The following ABCA1 variants were observed in gnomAD, a reference collection of about 807,000 sequenced individuals.
ABCA1 encodes the protein phospholipid-transporting ATPase ABCA1.
A neutral mutation model predicts 262.5 loss-of-function variants in ABCA1; 133 were observed. The observed-to-expected ratio is 0.51, with a 90% CI of 0.44 to 0.59. The LOEUF (loss-of-function observed/expected upper bound fraction) is 0.59. Among genes scored for constraint, ABCA1 ranks in the 20% least tolerant of loss-of-function variants. The probability of loss-of-function intolerance (pLI) is 0.00; values close to 1 mark genes in which losing one functional copy is unlikely to be tolerated. For synonymous variants in ABCA1, 1,022 were observed against 1,043.5 expected, an observed-to-expected ratio of 0.98 and a Z score of 0.40; for missense variants, 2,452 against 2,777.5, an observed-to-expected ratio of 0.88 and a Z score of 2.63.
intron 29 of ABCA1, among the ~76,000 whole-genome samples, chr9:104,810,210 A>G (rs1282063519): frequency 3.3e-5 from 5 of 149,682 alleles, no homozygotes; most frequent in Non-Finnish European, 7.4e-5. Context: ...TCACTGACAC[A>G]GTTCCCCCAT....
intron 14 of ABCA1, among the ~76,000 whole-genome samples, chr9:104,829,937 G>A (rs1833116755): frequency 7.4e-6 from 1 of 134,280 alleles, no homozygotes; most frequent in African/African-American, 3.1e-5. Context: ...CCCGCATCCT[G>A]ATCCCTACAC....
intron 7 of ABCA1, chr9:104,855,267 G>C: frequency 1.8e-6 from 1 of 564,244 alleles, no homozygotes; most frequent in Non-Finnish European, 2.2e-6. Flanking sequence ...AGTGATCTCA[G>C]CTCACTGCAA....
intron 40 of ABCA1, among the ~76,000 whole-genome samples, chr9:104,794,064 G>A (rs1036948463): frequency 3.9e-5 from 6 of 152,200 alleles, no homozygotes; most frequent in Admixed American, 3.9e-4. Context: ...AATTCTCAAA[G>A]TTATGGTTTG....
At chr9:104,841,322 C>T (rs1834349330) in intron 8 of ABCA1, among the ~76,000 whole-genome samples, 1 of 152,038 alleles carries the variant, frequency 6.6e-6, no homozygotes. Context: ...TGCCTGTAAT[C>T]CCAGCTACTG....
chr9:104,785,607 A>G lies in ABCA1; in HGVS notation c.6434T>C (p.Ile2145Thr). ...FGDGYTIVVR[I>T]AGSNPDLKPV... ...CTTCAGGTCCGGGTTGGACCCTGCT[A>G]TTCGTACAACTATTGTATAACCATC... The change falls in exon 49 of 50, where the codon ATA (isoleucine) becomes ACA (threonine). Residue 2145 changes from isoleucine to threonine, a missense_variant. Ile to Thr is a moderately conservative substitution (Grantham distance 89). Transcript: ENST00000374736. The G allele has an allele frequency of 6.2e-7, 1 of 1,614,132 alleles. No individual in the cohort carries two copies. The highest frequency in any genetic ancestry group is 2.2e-5 in the East Asian group (1 of 44,878).
chr9:104,903,159 C>G (rs1418950775), intron 2 of ABCA1, among the ~76,000 whole-genome samples: 1 of 152,166 alleles, frequency 6.6e-6, no homozygotes, highest in East Asian at 1.9e-4. Context: ...TTATTATATT[C>G]CTCCAGGCCT....
chr9:104,785,333 G>C, intron 49 of ABCA1, 63 bp downstream of exon 49: 1 of 1,601,764 alleles, frequency 6.2e-7, no homozygotes, highest in Non-Finnish European at 8.5e-7. Flanking sequence ...ACCTATGGGC[G>C]GGAGTGTCGG....
intron 2 of ABCA1, among the ~76,000 whole-genome samples, chr9:104,893,448 A>AAAAAGAAAAG (rs1564263906): frequency 6.7e-6 from 1 of 148,754 alleles, no homozygotes; most frequent in African/African-American, 2.5e-5. Flanking sequence ...AAAAAAAAAA[A>AAAAAGAAAAG]AAAAGAAAAG....
intron 1 of ABCA1, among the ~76,000 whole-genome samples, chr9:104,909,654 A>ACACG (rs770801372): frequency 0.012 from 1,809 of 146,592 alleles, 43 homozygotes; most frequent in South Asian, 0.02. Flanking sequence ...ACACACACAC[A>ACACG]TTCACAGGAA....
In ABCA1 at chr9:104,790,969, T is replaced by C. The variant is rs762467757; in HGVS notation, c.5880A>G (p.Thr1960=). The C allele has an allele frequency of 2.5e-6, 4 of 1,613,948 alleles. No individual in the cohort carries two copies. Among genetic ancestry groups the C allele is most frequent in the Non-Finnish European group, 3.4e-6 (4 of 1,179,892 alleles). ...AGKSSTFKML[T]GDTTVTRGDA... ...CTCCTCTGGTAACAGTGGTATCTCC[T>C]GTTAACATCTTGAAAGTTGATGATT... Residue 1960 remains threonine (T), a synonymous_variant, in exon 44 of 50, where the codon ACA becomes ACG. Coordinates refer to ENST00000374736, the MANE Select transcript of ABCA1 (RefSeq NM_005502.4).
At chr9:104,822,761 G>A (rs1257061926) in intron 18 of ABCA1, 94 bp from the exon 19 acceptor site, 4 of 1,447,110 alleles carry the variant, frequency 2.8e-6, no homozygotes, top group Non-Finnish European at 2.9e-6. Flanking sequence ...TTTCAGAAGT[G>A]CCTTCTCTCC....
In ABCA1 at chr9:104,857,193, A is replaced by G. The variant is rs559407973; in HGVS notation, c.720+1329T>C. Among the ~76,000 whole-genome samples, 8 of 152,190 alleles carry G rather than the reference A, an allele frequency of 5.3e-5. 1 individual carries two copies. Among genetic ancestry groups the G allele is most frequent in the African/African-American group, 1.9e-4 (8 of 41,566 alleles). On this transcript the variant is annotated intron_variant, in intron 7 of 49. Transcript: ENST00000374736. ...GTGGCAGGTGCCTGTAGTCCCAGGT[A>G]CTCGGAGGCTGAGGCATGAGAATCA...
Position 104,784,275 on chromosome 9 carries a change from T to C in ABCA1, c.*40A>G, listed in dbSNP as rs777237083. On this transcript the variant is annotated 3_prime_UTR_variant, in exon 50 of 50. Transcript: ENST00000374736. ...TCACATGGTGCAAAGGAAAGTCTAG[T>C]TCCTCTTTACTTTCAGCCACCCCGT... The C allele has an allele frequency of 1.4e-5, 22 of 1,612,574 alleles. No homozygotes were observed. The highest frequency in any genetic ancestry group is 1.6e-5 in the Non-Finnish European group (19 of 1,178,984).
chr9:104,916,399 G>T (rs1450858069), intron 1 of ABCA1, among the ~76,000 whole-genome samples: 1 of 152,174 alleles, frequency 6.6e-6, no homozygotes, highest in Non-Finnish European at 1.5e-5. Flanking sequence ...GACGCCTTAA[G>T]ATTCAAATTG....
chr9:104,818,575 A>T, intron 23 of ABCA1, 88 bp downstream of exon 23: 2 of 1,276,824 alleles, frequency 1.6e-6, no homozygotes, highest in Non-Finnish European at 2.3e-6. Context: ...AACATGGCAA[A>T]AGGGGTGGAG....
intron 5 of ABCA1, among the ~76,000 whole-genome samples, chr9:104,862,312 G>C (rs1469345134): frequency 6.6e-6 from 1 of 150,472 alleles, no homozygotes; most frequent in Non-Finnish European, 1.5e-5. Context: ...GTTTCACCAT[G>C]ATAGGCAGGC....
Position 104,788,489 on chromosome 9 carries a change from A to G in ABCA1, c.6006T>C (p.Thr2002=), listed in dbSNP as rs1185019375. Residue 2002 remains threonine, a synonymous_variant, in exon 45 of 50, where the codon ACT becomes ACC. Transcript: ENST00000374736. ...CAAAGAACTCCACGTGTTCTCTCCC[A>G]GTCAACAGCTCTGTGATGGCATCAA... ...PQFDAITELL[T]GREHVEFFAL... 1 of 1,614,122 alleles carries G rather than the reference A, an allele frequency of 6.2e-7. No homozygotes were observed. The highest frequency in any genetic ancestry group is 8.5e-7 in the Non-Finnish European group (1 of 1,180,054).
In ABCA1 at chr9:104,858,680, G is replaced by A. The variant is rs201447364; in HGVS notation, c.562C>T (p.Gln188Ter). ...TTGCACAGACTTGTCAAATGTAACT[G>A]GTAGCCTTGCAAAAATACCTGGAAG... ...ILHKVFLQGY[Q>*]LHLTSLCNGS... The change falls in exon 7 of 50, where the codon CAG becomes TAG. Residue 188 changes from glutamine to a stop codon, truncating the protein, a stop_gained. Coordinates refer to ENST00000374736, the MANE Select transcript of ABCA1 (RefSeq NM_005502.4). LOFTEE classifies it high-confidence loss of function. 2 of 1,613,948 alleles carry A rather than the reference G, an allele frequency of 1.2e-6. No individual in the cohort carries two copies. The highest frequency in any genetic ancestry group is 1.7e-6 in the Non-Finnish European group (2 of 1,180,026).
chr9:104,880,069 T>C (rs1838494511), intron 5 of ABCA1, among the ~76,000 whole-genome samples: 1 of 152,194 alleles, frequency 6.6e-6, no homozygotes, highest in South Asian at 2.1e-4. Context: ...CAATTAGAGC[T>C]GTCAACACCC....
Sources: gnomAD v4.1 joint callset for allele counts (sites outside exome capture counted in the v4.1 genomes callset) on GRCh38, gnomAD v4.1.1 for gene constraint, MANE v1.5 for transcripts, NCBI Gene and HGNC (gene_info 2026-07-23, HGNC 2026-07-21) for gene names.